Variants in SCAI observed in about 807,000 individuals in gnomAD.
SCAI encodes protein SCAI.
A neutral mutation model predicts 92.2 loss-of-function variants in SCAI; 24 were observed. That is an observed-to-expected ratio of 0.26 (90% CI 0.19 to 0.37). The LOEUF (loss-of-function observed/expected upper bound fraction) is 0.37, where lower values mean the gene tolerates loss of function less well. SCAI is among the 10% of genes least tolerant of loss of function. SCAI has a pLI of 1.00. For synonymous variants in SCAI, 261 were observed against 258.6 expected (o/e 1.01, Z -0.09); for missense variants, 450 against 736.2 (o/e 0.61, Z 4.50).
At chr9:125,103,177 C>T (rs1834713074) in intron 2 of SCAI, among the ~76,000 whole-genome samples, 1 of 152,162 alleles carries the variant, frequency 6.6e-6, no homozygotes. Context: ...AACTTTCTGA[C>T]CCAGTGAGCA....
intron 2 of SCAI, among the ~76,000 whole-genome samples, chr9:125,067,196 A>G (rs1211345528): frequency 1.3e-5 from 2 of 152,232 alleles, no homozygotes; most frequent in Non-Finnish European, 1.5e-5. Flanking sequence ...AAAAGAACAT[A>G]TATTTTAATG....
chr9:125,067,426 G>A (rs548695228), intron 2 of SCAI, among the ~76,000 whole-genome samples: 25 of 152,252 alleles, frequency 1.6e-4, no homozygotes, highest in African/African-American at 6.0e-4. Context: ...AAGGGAGAAT[G>A]CCATGTGAAG....
chr9:125,103,364 T>C (rs1362170343), intron 2 of SCAI, among the ~76,000 whole-genome samples: 1 of 152,134 alleles, frequency 6.6e-6, no homozygotes, highest in African/African-American at 2.4e-5. Flanking sequence ...ACCTAGGAAT[T>C]CCCTATTTAA....
chr9:125,079,897 T>A (rs1271676792), intron 2 of SCAI, among the ~76,000 whole-genome samples: 1 of 152,214 alleles, frequency 6.6e-6, no homozygotes, highest in Non-Finnish European at 1.5e-5. Flanking sequence ...GAAGGGAATA[T>A]GTGCACAACA....
At chr9:125,108,230 T>C (rs1588229056) in intron 2 of SCAI, among the ~76,000 whole-genome samples, 1 of 152,368 alleles carries the variant, frequency 6.6e-6, no homozygotes, top group Admixed American at 6.5e-5. Flanking sequence ...AGTGCCGAGA[T>C]TGCAGCCTCT....
At chr9:124,973,925 G>A (rs758909666) in intron 15 of SCAI, among the ~76,000 whole-genome samples, 9 of 152,096 alleles carry the variant, frequency 5.9e-5, no homozygotes, top group African/African-American at 1.7e-4. Flanking sequence ...ACTCTTGCTC[G>A]GTCATTTCCC....
intron 2 of SCAI, among the ~76,000 whole-genome samples, chr9:125,113,707 A>T (rs1287982098): frequency 4.9e-5 from 7 of 142,898 alleles, no homozygotes; most frequent in Non-Finnish European, 9.0e-5. Context: ...TCACACCTGT[A>T]ATCCCAGCAC....
At chr9:125,071,584 T>C (rs1256401179) in intron 2 of SCAI, among the ~76,000 whole-genome samples, 1 of 152,148 alleles carries the variant, frequency 6.6e-6, no homozygotes, top group African/African-American at 2.4e-5. Flanking sequence ...TTGTAAAATA[T>C]TGCCCACAAG....
intron 2 of SCAI, among the ~76,000 whole-genome samples, chr9:125,069,199 C>T (rs1226225686): frequency 6.6e-6 from 1 of 151,492 alleles, no homozygotes; most frequent in Non-Finnish European, 1.5e-5. Context: ...GCCTGGGAGA[C>T]AGAGTGAGAC....
chr9:125,098,597 A>T (rs990470960), intron 2 of SCAI, among the ~76,000 whole-genome samples: 8 of 152,316 alleles, frequency 5.3e-5, no homozygotes, highest in African/African-American at 1.7e-4. Context: ...GCAGGCCAAT[A>T]ACCTGTAACA....
chr9:125,126,392 G>GT (rs1564424362), intron 2 of SCAI, among the ~76,000 whole-genome samples: 2,937 of 115,076 alleles, frequency 0.026, 137 homozygotes, highest in East Asian at 0.22. Context: ...GTGAGTTGGG[G>GT]GTGTGTGTGT....
In SCAI at chr9:125,143,442, C is replaced by A; in HGVS notation, c.-5G>T. 7.3e-7 allele frequency: 1 copy of A among 1,368,014 alleles called. No individual in the cohort carries two copies. Among genetic ancestry groups the A allele is most frequent in the Admixed American group, 3.2e-5 (1 of 31,434 alleles). The allele number at this position is 1,368,014 out of a possible 1,614,324, so 84.7% of individuals were successfully genotyped here. A position where few individuals can be genotyped will look rare whatever the true frequency, so the allele number is the denominator to read the frequency against. On this transcript the variant is annotated 5_prime_UTR_variant, in exon 1 of 18. Transcript: ENST00000336505. ...CTGCCGGGCTCCTCTGACCATCCGGCTCCTGCTCCGCCGCGGGAGCTGCTC... is the reference window on the plus strand; with the variant it reads ...CTGCCGGGCTCCTCTGACCATCCGGATCCTGCTCCGCCGCGGGAGCTGCTC...
At chr9:125,106,122 A>AAAAAAAATAT (rs1554791724) in intron 2 of SCAI, among the ~76,000 whole-genome samples, 3 of 8,862 alleles carry the variant, frequency 3.4e-4, no homozygotes, top group Non-Finnish European at 5.4e-4. Flanking sequence ...AAAAAAAAAA[A>AAAAAAAATAT]ATATATATAT....
intron 2 of SCAI, among the ~76,000 whole-genome samples, chr9:125,104,966 A>AC (rs1425150726): frequency 6.6e-6 from 1 of 151,962 alleles, no homozygotes; most frequent in Non-Finnish European, 1.5e-5. Context: ...TCAAAAAAAA[A>AC]AAAAAAAAAA....
At chr9:125,120,285 T>TA (rs1456359496) in intron 2 of SCAI, among the ~76,000 whole-genome samples, 5 of 152,142 alleles carry the variant, frequency 3.3e-5, no homozygotes, top group Admixed American at 6.5e-5. Flanking sequence ...AGTTTTCCTG[T>TA]AAAAAACAAG....
At chr9:125,004,201 A>G (rs1016706151) in intron 9 of SCAI, among the ~76,000 whole-genome samples, 8 of 152,152 alleles carry the variant, frequency 5.3e-5, no homozygotes, top group Admixed American at 3.3e-4. Flanking sequence ...GCAGCAGCAC[A>G]GAGACTATAT....
chr9:125,000,980 G>T (rs1182031375), intron 12 of SCAI, among the ~76,000 whole-genome samples: 2 of 151,986 alleles, frequency 1.3e-5, no homozygotes, highest in Admixed American at 6.6e-5. Context: ...TTTGAAAAAA[G>T]TAAAGAAGTC....
chr9:125,017,477 A>C (rs1832784216), intron 9 of SCAI, among the ~76,000 whole-genome samples: 1 of 152,216 alleles, frequency 6.6e-6, no homozygotes, highest in Non-Finnish European at 1.5e-5. Flanking sequence ...CATTTGCAAA[A>C]TAATGGTCAT....
intron 3 of SCAI, among the ~76,000 whole-genome samples, chr9:125,035,021 TA>T (rs2131097540): frequency 6.6e-6 from 1 of 152,190 alleles, no homozygotes; most frequent in African/African-American, 2.4e-5. Context: ...TTCTGTGAAA[TA>T]AAAACATGAA....
Sources: gnomAD v4.1 joint callset for allele counts (sites outside exome capture counted in the v4.1 genomes callset) on GRCh38, gnomAD v4.1.1 for gene constraint, MANE v1.5 for transcripts, NCBI Gene and HGNC (gene_info 2026-07-23, HGNC 2026-07-21) for gene names.